Variants in MAF observed in about 807,000 individuals in gnomAD.
MAF encodes the protein transcription factor Maf.
In MAF, 10 loss-of-function variants were observed where a neutral mutation model predicts 22.0. The ratio of observed to expected loss-of-function variants is 0.45; its 90% CI spans 0.28 to 0.77. MAF has a LOEUF of 0.77. MAF is among the 30% of genes least tolerant of loss of function. The pLI is 0.12. For missense variants in MAF, 544 were observed against 548.4 expected (o/e 0.99, Z 0.08); for synonymous variants, 337 against 255.8 (o/e 1.32, Z -3.03).
the MAF span, among the ~76,000 whole-genome samples, chr16:79,299,788 C>T: frequency 1.3e-5 from 2 of 152,226 alleles, no homozygotes; most frequent in African/African-American, 4.8e-5. Flanking sequence ...GCCACAGTCT[C>T]TCTCTTCCTT....
the MAF span, among the ~76,000 whole-genome samples, chr16:79,405,920 A>C: frequency 1.3e-5 from 2 of 152,164 alleles, no homozygotes; most frequent in East Asian, 3.9e-4. Flanking sequence ...CACACTTCCA[A>C]CTGCCAGCAT....
At position 79,600,247 on chromosome 16, in the gene MAF, C is replaced by T. The variant is rs1295796907; in HGVS notation, c.-345G>A. The T allele has an allele frequency of 3.9e-6, 1 of 257,564 alleles. No individual in the cohort carries two copies. The highest frequency in any genetic ancestry group is 7.6e-6 in the Non-Finnish European group (1 of 130,852). 16.0% of individuals were successfully genotyped at this position (257,564 alleles called of 1,614,324 possible). Reference sequence around the variant, plus strand: ...GCTGCGGTGGCGGCGGTGGTGGCTGCGGCGGCGAAGCTGGAGGAGCCCGGC... The same window carrying T: ...GCTGCGGTGGCGGCGGTGGTGGCTGTGGCGGCGAAGCTGGAGGAGCCCGGC... On this transcript the variant is annotated 5_prime_UTR_variant, in exon 1 of 2. Transcript: ENST00000326043.
At chr16:79,384,490 G>A in the MAF span, among the ~76,000 whole-genome samples, 11 of 149,844 alleles carry the variant, frequency 7.3e-5, no homozygotes, top group South Asian at 1.9e-3. Flanking sequence ...GGGCATGGTG[G>A]CTCACGCCTG....
chr16:79,475,909 G>C, the MAF span, among the ~76,000 whole-genome samples: 1 of 152,158 alleles, frequency 6.6e-6, no homozygotes, highest in Non-Finnish European at 1.5e-5. Context: ...GTCAGGGCCT[G>C]TGAATATGAT....
At chr16:79,285,614 C>T in the MAF span, among the ~76,000 whole-genome samples, 1 of 152,132 alleles carries the variant, frequency 6.6e-6, no homozygotes, top group Admixed American at 6.5e-5. Context: ...AGGAAGTTTA[C>T]CATGGTGATT....
At chr16:79,374,917 C>G in the MAF span, among the ~76,000 whole-genome samples, 1 of 152,180 alleles carries the variant, frequency 6.6e-6, no homozygotes, top group Non-Finnish European at 1.5e-5. Flanking sequence ...GGATCACGCT[C>G]TAAAGGGCTG....
At chr16:79,348,041 C>G in the MAF span, among the ~76,000 whole-genome samples, 1 of 152,216 alleles carries the variant, frequency 6.6e-6, no homozygotes, top group Non-Finnish European at 1.5e-5. Context: ...GTTCGATCCT[C>G]TTTCCCTACT....
the MAF span, among the ~76,000 whole-genome samples, chr16:79,415,089 T>G: frequency 6.6e-6 from 1 of 152,232 alleles, no homozygotes; most frequent in African/African-American, 2.4e-5. Context: ...CTGTGTGCCC[T>G]GCAGGAAGCG....
chr16:79,365,312 A>G, the MAF span, among the ~76,000 whole-genome samples: 174 of 152,308 alleles, frequency 1.1e-3, no homozygotes, highest in African/African-American at 3.9e-3. Context: ...TAGCACTTTT[A>G]GCAGCTGTAG....
At chr16:79,255,776 T>C in the MAF span, among the ~76,000 whole-genome samples, 23,993 of 151,962 alleles carry the variant, frequency 0.16, 3,408 homozygotes, top group African/African-American at 0.38. Flanking sequence ...ATGGTGGCAA[T>C]TCCCTTGATT....
chr16:79,223,470 A>G, the MAF span, among the ~76,000 whole-genome samples: 2 of 152,238 alleles, frequency 1.3e-5, no homozygotes, highest in African/African-American at 4.8e-5. Context: ...AGCAAGAGCA[A>G]ATAAATTCCA....
the MAF span, among the ~76,000 whole-genome samples, chr16:79,490,352 A>C: frequency 6.6e-6 from 1 of 152,198 alleles, no homozygotes; most frequent in Non-Finnish European, 1.5e-5. Context: ...AAAACTTTCT[A>C]TACCCAAGGA....
At chr16:79,562,094 C>T in the MAF span, among the ~76,000 whole-genome samples, 2 of 152,118 alleles carry the variant, frequency 1.3e-5, no homozygotes, top group African/African-American at 2.4e-5. Context: ...GGAAAACATT[C>T]CCCCTTTCCA....
the MAF span, among the ~76,000 whole-genome samples, chr16:79,229,720 C>T: frequency 2.6e-5 from 4 of 151,986 alleles, no homozygotes; most frequent in East Asian, 7.7e-4. Context: ...TAGAGGAGTG[C>T]ACCGAGCAAA....
the MAF span, among the ~76,000 whole-genome samples, chr16:79,323,773 G>A: frequency 1.3e-5 from 2 of 152,130 alleles, no homozygotes; most frequent in Non-Finnish European, 2.9e-5. Flanking sequence ...GTTTCCCAGA[G>A]GGTTAAGGAA....
chr16:79,255,600 G>A, the MAF span, among the ~76,000 whole-genome samples: 1 of 152,194 alleles, frequency 6.6e-6, no homozygotes, highest in African/African-American at 2.4e-5. Flanking sequence ...GCCCTTAGCT[G>A]AGGGGGTCAC....
the MAF span, among the ~76,000 whole-genome samples, chr16:79,365,483 G>C: frequency 1.3e-5 from 2 of 152,194 alleles, no homozygotes; most frequent in African/African-American, 4.8e-5. Flanking sequence ...AACTGTTAAA[G>C]GAGTGACTGA....
At chr16:79,242,730 C>A in the MAF span, among the ~76,000 whole-genome samples, 1 of 152,038 alleles carries the variant, frequency 6.6e-6, no homozygotes, top group Non-Finnish European at 1.5e-5. Context: ...GAACTCTCCA[C>A]CCCAAATCAA....
chr16:79,384,811 A>G, the MAF span, among the ~76,000 whole-genome samples: 2 of 152,168 alleles, frequency 1.3e-5, no homozygotes, highest in African/African-American at 4.8e-5. Context: ...CACTTTGGGG[A>G]AGTGAAGATT....
Sources: gnomAD v4.1 joint callset for allele counts (sites outside exome capture counted in the v4.1 genomes callset) on GRCh38, gnomAD v4.1.1 for gene constraint, MANE v1.5 for transcripts, NCBI Gene and HGNC (gene_info 2026-07-23, HGNC 2026-07-21) for gene names.